Variants in EXOC6B observed in about 807,000 individuals in gnomAD.
EXOC6B encodes exocyst complex component 6B, also known as SEC15 homolog B.
In EXOC6B, 54 loss-of-function variants were observed where a neutral mutation model predicts 113.5. The ratio of observed to expected loss-of-function variants is 0.48; its 90% confidence interval spans 0.38 to 0.60. The LOEUF (loss-of-function observed/expected upper bound fraction) is 0.60, where lower values mean the gene tolerates loss of function less well. Ranked by LOEUF, EXOC6B falls within the 20% of genes least tolerant of loss-of-function variation. EXOC6B has a pLI of 0.00. For missense variants in EXOC6B, 797 were observed against 977.5 expected, an observed-to-expected ratio of 0.82 and a Z score of 2.46; for synonymous variants, 357 against 339.0, an observed-to-expected ratio of 1.05 and a Z score of -0.58.
chr2:72,494,397 A>G (rs1028853773), intron 15 of EXOC6B, among the ~76,000 whole-genome samples: 2 of 152,162 alleles, frequency 1.3e-5, no homozygotes, highest in African/African-American at 4.8e-5. Context: ...TCAAAAGACA[A>G]TCTATTTTCA....
At chr2:72,281,792 C>A (rs939381318) in intron 20 of EXOC6B, among the ~76,000 whole-genome samples, 3 of 152,134 alleles carry the variant, frequency 2.0e-5, no homozygotes, top group Non-Finnish European at 2.9e-5. Context: ...TGTGCCAAGG[C>A]ACATTAGAGT....
At chr2:72,275,947 G>C (rs1346356358) in intron 20 of EXOC6B, among the ~76,000 whole-genome samples, 1 of 152,158 alleles carries the variant, frequency 6.6e-6, no homozygotes, top group Non-Finnish European at 1.5e-5. Flanking sequence ...ATTCATATTT[G>C]TAACAGGTTG....
At chr2:72,479,652 T>A (rs1426891954) in intron 17 of EXOC6B, among the ~76,000 whole-genome samples, 1 of 152,214 alleles carries the variant, frequency 6.6e-6, no homozygotes, top group Non-Finnish European at 1.5e-5. Context: ...TGAGATGTTG[T>A]CCTATTACTT....
At position 72,370,538 on chromosome 2, in the gene EXOC6B, T is replaced by C. The variant is rs541184635; in HGVS notation, c.2122+9191A>G. The stretch of plus-strand genomic sequence containing the variant: ...TATATACCCAAAGGAATATAAATCA[T>C]GCTGCTATAAAGACACATGCACATG... On this transcript the variant is annotated intron_variant, in intron 19 of 21. Coordinates refer to ENST00000272427, the MANE Select transcript of EXOC6B (RefSeq NM_015189.3). Among the ~76,000 whole-genome samples the C allele has an allele frequency of 1.1e-4, 17 of 152,330 alleles. No individual in the cohort carries two copies. In the East Asian group the frequency reaches 3.3e-3, roughly 29 times the overall value.
chr2:72,484,710 C>T (rs550907308), intron 16 of EXOC6B, among the ~76,000 whole-genome samples: 1 of 151,848 alleles, frequency 6.6e-6, no homozygotes, highest in East Asian at 1.9e-4. Context: ...GCTTGGTTTT[C>T]TGTTCGTGTG....
At chr2:72,770,769 A>C (rs1683366463) in intron 1 of EXOC6B, among the ~76,000 whole-genome samples, 1 of 152,192 alleles carries the variant, frequency 6.6e-6, no homozygotes, top group Non-Finnish European at 1.5e-5. Context: ...TACACAAGTT[A>C]AGTTTCATTG....
chr2:72,404,874 T>C (rs938745153), intron 18 of EXOC6B, among the ~76,000 whole-genome samples: 1 of 151,318 alleles, frequency 6.6e-6, no homozygotes, highest in Non-Finnish European at 1.5e-5. Context: ...CCTTGACGAG[T>C]TGAGAGAAGA....
At chr2:72,296,687 A>G (rs1332081235) in intron 20 of EXOC6B, among the ~76,000 whole-genome samples, 1 of 152,228 alleles carries the variant, frequency 6.6e-6, no homozygotes, top group Non-Finnish European at 1.5e-5. Flanking sequence ...GATGACTGTC[A>G]AGGAGGAGAG....
At chr2:72,392,580 A>G (rs1330880260) in intron 18 of EXOC6B, among the ~76,000 whole-genome samples, 2 of 152,136 alleles carry the variant, frequency 1.3e-5, no homozygotes, top group Non-Finnish European at 2.9e-5. Flanking sequence ...GCTTCTACTG[A>G]CTATTTAAAC....
intron 6 of EXOC6B, among the ~76,000 whole-genome samples, chr2:72,691,977 C>A (rs527913626): frequency 7.2e-4 from 110 of 152,204 alleles, no homozygotes; most frequent in African/African-American, 2.5e-3. Context: ...TGCCACTGCG[C>A]CCAGCCCCTG....
chr2:72,199,339 G>T (rs1289343193), intron 20 of EXOC6B, among the ~76,000 whole-genome samples: 1 of 152,188 alleles, frequency 6.6e-6, no homozygotes, highest in African/African-American at 2.4e-5. Flanking sequence ...GTAAGTGCTT[G>T]CTAAAAATCT....
intron 8 of EXOC6B, among the ~76,000 whole-genome samples, chr2:72,529,850 T>TGATA (rs1435420350): frequency 1.3e-5 from 2 of 152,194 alleles, no homozygotes; most frequent in Non-Finnish European, 2.9e-5. Flanking sequence ...GGGTGAATTG[T>TGATA]GATAGTTTGT....
At chr2:72,667,513 G>A (rs1405736145) in intron 6 of EXOC6B, among the ~76,000 whole-genome samples, 1 of 152,122 alleles carries the variant, frequency 6.6e-6, no homozygotes, top group African/African-American at 2.4e-5. Flanking sequence ...CATGGTACTG[G>A]TACAAAAACA....
At chr2:72,543,130 TGGA>T (rs1558779287) in intron 8 of EXOC6B, among the ~76,000 whole-genome samples, 2 of 152,074 alleles carry the variant, frequency 1.3e-5, no homozygotes, top group Non-Finnish European at 2.9e-5. Context: ...TGAGAGCACA[TGGA>T]GTATGGTGTA....
At chr2:72,245,471 T>C (rs1682593281) in intron 20 of EXOC6B, among the ~76,000 whole-genome samples, 2 of 152,314 alleles carry the variant, frequency 1.3e-5, no homozygotes, top group African/African-American at 4.8e-5. Context: ...CAATGGGACA[T>C]TATTCAACGT....
intron 18 of EXOC6B, among the ~76,000 whole-genome samples, chr2:72,460,156 T>C (rs964305308): frequency 7.2e-5 from 11 of 152,048 alleles, no homozygotes; most frequent in Non-Finnish European, 1.2e-4. Flanking sequence ...TAGCCATATG[T>C]AGAAAGCTGA....
At chr2:72,513,433 T>C (rs750349335) in intron 10 of EXOC6B, among the ~76,000 whole-genome samples, 181 bp from the exon 11 acceptor site, 3 of 152,094 alleles carry the variant, frequency 2.0e-5, no homozygotes, top group Non-Finnish European at 4.4e-5. Flanking sequence ...ATTATGTCTG[T>C]GATCATGACA....
intron 18 of EXOC6B, among the ~76,000 whole-genome samples, chr2:72,401,636 TAC>T (rs1218879643): frequency 1.9e-4 from 9 of 47,020 alleles, no homozygotes; most frequent in Non-Finnish European, 9.7e-5. Flanking sequence ...TATATATATA[TAC>T]ATATATACAT....
chr2:72,774,673 T>C (rs2104961602), intron 1 of EXOC6B, among the ~76,000 whole-genome samples: 1 of 152,328 alleles, frequency 6.6e-6, no homozygotes, highest in Middle Eastern at 3.4e-3. Context: ...TTTCTCCTCC[T>C]GACAAAAAAT....
Sources: allele counts gnomAD v4.1 joint callset (sites outside exome capture counted in the v4.1 genomes callset), GRCh38; gene constraint gnomAD v4.1.1; transcripts MANE v1.5; gene names NCBI Gene and HGNC (gene_info 2026-07-23, HGNC 2026-07-21).